Variants in TDRD3 observed in about 807,000 individuals in gnomAD.
TDRD3 encodes the protein tudor domain containing 3.
In TDRD3, 45 loss-of-function variants were observed where a neutral mutation model predicts 86.7. The observed-to-expected ratio is 0.52, with a 90% CI of 0.41 to 0.67. The LOEUF is 0.67. Among genes scored for constraint, TDRD3 ranks in the 30% least tolerant of loss-of-function variants. The pLI, the probability that TDRD3 is intolerant of heterozygous loss-of-function variation, is 0.00. For missense variants in TDRD3, 814 were observed against 889.0 expected, an observed-to-expected ratio of 0.92 and a Z score of 1.07; for synonymous variants, 298 against 301.7, an observed-to-expected ratio of 0.99 and a Z score of 0.13.
At chr13:60,550,600 A>G (rs1370039256) in intron 12 of TDRD3, among the ~76,000 whole-genome samples, 1 of 152,124 alleles carries the variant, frequency 6.6e-6, no homozygotes, top group Non-Finnish European at 1.5e-5. Context: ...AAAAATGAAC[A>G]TTTTGTGAAT....
chr13:60,483,926 G>T (rs1025440818), intron 6 of TDRD3, 80 bp downstream of exon 6: 2 of 1,315,592 alleles, frequency 1.5e-6, no homozygotes, highest in African/African-American at 1.5e-5. Context: ...GTTTCATTAT[G>T]TGCTGAACTA....
chr13:60,399,715 A>G (rs1954040860), intron 1 of TDRD3, among the ~76,000 whole-genome samples: 2 of 152,234 alleles, frequency 1.3e-5, no homozygotes, highest in Non-Finnish European at 2.9e-5. Flanking sequence ...AAATCTATGT[A>G]CTTAGTTACT....
intron 10 of TDRD3, among the ~76,000 whole-genome samples, chr13:60,526,521 A>C (rs563556244): frequency 6.6e-6 from 1 of 152,006 alleles, no homozygotes; most frequent in South Asian, 2.1e-4. Flanking sequence ...AAAAGTGACC[A>C]TTTTTCTTCT....
At chr13:60,518,678 A>G (rs2137710413) in intron 10 of TDRD3, among the ~76,000 whole-genome samples, 1 of 152,324 alleles carries the variant, frequency 6.6e-6, no homozygotes, top group African/African-American at 2.4e-5. Context: ...TCTAGGCTTC[A>G]TCTTTTATGA....
chr13:60,429,527 C>A (rs1443696470), intron 1 of TDRD3, among the ~76,000 whole-genome samples: 3 of 152,116 alleles, frequency 2.0e-5, no homozygotes, highest in Non-Finnish European at 4.4e-5. Context: ...AATAGCAGTT[C>A]ATTTTGCATT....
chr13:60,521,819 C>T (rs1957291981), intron 10 of TDRD3, among the ~76,000 whole-genome samples: 1 of 152,194 alleles, frequency 6.6e-6, no homozygotes, highest in South Asian at 2.1e-4. Context: ...ATCACTTGAA[C>T]CCGGGAGGTG....
intron 10 of TDRD3, among the ~76,000 whole-genome samples, chr13:60,526,042 C>T (rs1460560921): frequency 6.6e-6 from 1 of 152,164 alleles, no homozygotes; most frequent in Non-Finnish European, 1.5e-5. Flanking sequence ...AACTTTCATT[C>T]TGTATGCATC....
chr13:60,469,743 A>G (rs772863695), intron 5 of TDRD3, among the ~76,000 whole-genome samples: 6 of 152,192 alleles, frequency 3.9e-5, no homozygotes, highest in Non-Finnish European at 7.3e-5. Flanking sequence ...GTGAAGAAGC[A>G]CTAAGCATTC....
intron 12 of TDRD3, among the ~76,000 whole-genome samples, chr13:60,564,801 T>C (rs1475906279): frequency 2.6e-5 from 4 of 152,190 alleles, no homozygotes; most frequent in Non-Finnish European, 5.9e-5. Context: ...AGGAATAAAG[T>C]ATAAATTTCA....
chr13:60,487,947 T>G (rs1330814876), intron 7 of TDRD3, among the ~76,000 whole-genome samples: 6 of 152,224 alleles, frequency 3.9e-5, no homozygotes, highest in Admixed American at 3.3e-4. Context: ...TTTTTTTGTC[T>G]TTTTGATTAT....
chr13:60,547,010 AACTT>A, intron 12 of TDRD3, among the ~76,000 whole-genome samples: 1 of 152,290 alleles, frequency 6.6e-6, no homozygotes, highest in East Asian at 1.9e-4. Flanking sequence ...TTTTTAATAG[AACTT>A]AATAAAATGT....
At chr13:60,410,735 T>A (rs1209964685) in intron 1 of TDRD3, among the ~76,000 whole-genome samples, 4 of 152,228 alleles carry the variant, frequency 2.6e-5, no homozygotes, top group African/African-American at 9.6e-5. Flanking sequence ...GTTCTCAGGC[T>A]ACATGAGAAT....
At chr13:60,545,454 A>G (rs1441106878) in intron 12 of TDRD3, among the ~76,000 whole-genome samples, 1 of 152,148 alleles carries the variant, frequency 6.6e-6, no homozygotes, top group Non-Finnish European at 1.5e-5. Context: ...AGAGTTTATT[A>G]TACAAAGCAA....
intron 5 of TDRD3, among the ~76,000 whole-genome samples, chr13:60,471,017 G>C (rs560422445): frequency 1.3e-5 from 2 of 152,260 alleles, no homozygotes; most frequent in East Asian, 1.9e-4. Flanking sequence ...AATCAGGTCA[G>C]CTGTTGTTGT....
chr13:60,514,320 A>C (rs1421183942), intron 10 of TDRD3, among the ~76,000 whole-genome samples: 1 of 152,224 alleles, frequency 6.6e-6, no homozygotes, highest in Non-Finnish European at 1.5e-5. Flanking sequence ...AAAGGCATTC[A>C]GTTTTAAAGG....
intron 12 of TDRD3, among the ~76,000 whole-genome samples, chr13:60,549,349 T>A (rs2137890645): frequency 6.6e-6 from 1 of 152,232 alleles, no homozygotes; most frequent in African/African-American, 2.4e-5. Flanking sequence ...AACCTGCCAT[T>A]TGAAAATCTG....
rs1454646905 is a variant in TDRD3 at position 60,560,855 on chromosome 13, T to C, written c.2119-6670T>C. On this transcript the variant is annotated intron_variant, in intron 12 of 13. Transcript: ENST00000377881. ...TTTCTGTGATACTGGAATGAAAATA[T>C]TATGTTATGTCAGCCATGCATTTTG... Among the ~76,000 whole-genome samples the C allele has an allele frequency of 3.3e-5, 5 of 152,310 alleles. No individual in the cohort carries two copies. The East Asian group carries it at 7.7e-4, about 23-fold the overall frequency.
intron 8 of TDRD3, among the ~76,000 whole-genome samples, chr13:60,498,864 TC>T (rs1334057952): frequency 3.9e-5 from 6 of 152,144 alleles, no homozygotes; most frequent in Non-Finnish European, 7.4e-5. Context: ...ACTGTGGTCC[TC>T]CAGTTAAAGT....
At chr13:60,400,358 G>C (rs1045752747) in intron 1 of TDRD3, among the ~76,000 whole-genome samples, 1 of 152,146 alleles carries the variant, frequency 6.6e-6, no homozygotes, top group Admixed American at 6.5e-5. Context: ...TGGACATTTT[G>C]AATTTTTCTC....
Sources: allele counts gnomAD v4.1 joint callset (sites outside exome capture counted in the v4.1 genomes callset), GRCh38; gene constraint gnomAD v4.1.1; transcripts MANE v1.5; gene names NCBI Gene and HGNC (gene_info 2026-07-23, HGNC 2026-07-21).